Variants in ELAC2 observed in about 807,000 individuals in gnomAD.
ELAC2 encodes the protein elaC ribonuclease Z 2.
In ELAC2, 92 loss-of-function variants were observed where a neutral mutation model predicts 105.2. The observed-to-expected ratio is 0.87, with a 90% CI of 0.74 to 1.04. The LOEUF (loss-of-function observed/expected upper bound fraction) is 1.04, where lower values mean the gene tolerates loss of function less well. ELAC2 is among the 50% of genes least tolerant of loss of function. The pLI is 0.00. For synonymous variants in ELAC2, 468 were observed against 409.1 expected (o/e 1.14, Z -1.74); for missense variants, 1,099 against 1,071.7 (o/e 1.03, Z -0.36).
At chr17:13,003,789 G>A (rs1320520433) in intron 11 of ELAC2, 2 of 584,360 alleles carry the variant, frequency 3.4e-6, no homozygotes, top group Non-Finnish European at 6.2e-6. Flanking sequence ...TATCTGGCAA[G>A]CTCTGCTCTG....
rs897420740 is a variant in ELAC2 at position 13,017,950 on chromosome 17, G to T, written c.-3C>A. On this transcript the variant is annotated 5_prime_UTR_variant, in exon 1 of 24. Coordinates refer to ENST00000338034, the MANE Select transcript of ELAC2 (RefSeq NM_018127.7). ...AGCAGCGAGCAAAGCGCCCACATGCGCCCGTCTCCACCAAAACTGAGAAAG... is the reference window on the plus strand; with the variant it reads ...AGCAGCGAGCAAAGCGCCCACATGCTCCCGTCTCCACCAAAACTGAGAAAG... 1 of 1,536,426 alleles carries T rather than the reference G, an allele frequency of 6.5e-7. No individual in the cohort carries two copies. Among genetic ancestry groups the T allele is most frequent in the Non-Finnish European group, 8.7e-7 (1 of 1,146,694 alleles).
chr17:13,002,220 G>A (rs2040846877), intron 14 of ELAC2, 54 bp downstream of exon 14: 2 of 1,591,698 alleles, frequency 1.3e-6, no homozygotes, highest in Admixed American at 3.4e-5. Context: ...GCTATTTACA[G>A]AAATGTTTCC....
rs1698390181 is a variant in ELAC2 at position 13,005,799 on chromosome 17, A to G, written c.824T>C (p.Ile275Thr). The G allele has an allele frequency of 1.9e-6, 3 of 1,614,174 alleles. No homozygotes were observed. The highest frequency in any genetic ancestry group is 1.6e-4 in the Middle Eastern group (1 of 6,062). ...GCTTTTCCCGTCCTTGACAGCAGCA[A>G]TGATGGGAGCGATGGCAGCTGTCCC... ...PVGTAAIAPI[I>T]AAVKDGKSIT... is the part of the protein sequence containing the mutation. The change falls in exon 10 of 24, where the codon ATT (isoleucine) becomes ACT (threonine). Residue 275 changes from isoleucine to threonine, a missense_variant. Ile to Thr is a moderately conservative substitution (Grantham distance 89). Transcript: ENST00000338034.
At chr17:12,998,723 T>C (rs1372942076) in intron 15 of ELAC2, among the ~76,000 whole-genome samples, 1 of 152,094 alleles carries the variant, frequency 6.6e-6, no homozygotes, top group Non-Finnish European at 1.5e-5. Context: ...GGAGCTGCAG[T>C]AGTAAGTACT....
At chr17:12,995,612 T>G in intron 19 of ELAC2, 91 bp downstream of exon 19, 1 of 1,242,796 alleles carries the variant, frequency 8.0e-7, no homozygotes, top group Non-Finnish European at 1.1e-6. Flanking sequence ...TGCTGGGGGA[T>G]ATTGGTAACT....
rs1480750178 is a variant in ELAC2, at chr17:13,002,594, A to AC, written c.1080-16dup. On this transcript the variant is annotated splice_polypyrimidine_tract_variant and intron_variant, in intron 12 of 23. Coordinates refer to ENST00000338034, the MANE Select transcript of ELAC2 (RefSeq NM_018127.7). ...CAGGCCCAAACCTGTGAAGAAACAG[A>AC]CCCGGCATTTGCAGCGTCTGTTAGG... 1 of 1,590,616 alleles carries AC rather than the reference A, an allele frequency of 6.3e-7. No homozygotes were observed. The highest frequency in any genetic ancestry group is 1.3e-5 in the African/African-American group (1 of 74,452).
At chr17:12,999,488 T>C (rs908613333) in intron 15 of ELAC2, among the ~76,000 whole-genome samples, 1 of 152,212 alleles carries the variant, frequency 6.6e-6, no homozygotes, top group Admixed American at 6.5e-5. Context: ...GTGGCCAAGA[T>C]CCTCCATGGA....
rs1199697928 is a variant in ELAC2, at chr17:12,999,893, G to A, written c.1423+263C>T. On this transcript the variant is annotated intron_variant, in intron 15 of 23. Transcript: ENST00000338034. ...AGGATGGTCTCGATCTCCCGACCTCGCGATCCACCTGCCTCGGCCTCCCGA... is the reference window on the plus strand; with the variant it reads ...AGGATGGTCTCGATCTCCCGACCTCACGATCCACCTGCCTCGGCCTCCCGA... 2.6e-5 allele frequency among the ~76,000 whole-genome samples: 4 copies of A among 152,276 alleles called. No individual in the cohort carries two copies. In the East Asian group the frequency reaches 7.7e-4, roughly 29 times the overall value.
At chr17:13,006,383 AAAAAT>A in intron 8 of ELAC2, 1 of 234,564 alleles carries the variant, frequency 4.3e-6, no homozygotes, top group Non-Finnish European at 8.6e-6. Flanking sequence ...AAAAAAAATA[AAAAAT>A]AAAATGATGT....
At position 13,011,799 on chromosome 17, in the gene ELAC2, C is replaced by T. The variant is rs2041429526; in HGVS notation, c.560-17G>A. 7 of 1,613,956 alleles carry T rather than the reference C, an allele frequency of 4.3e-6. No homozygotes were observed. Among genetic ancestry groups the T allele is most frequent in the African/African-American group, 2.7e-5 (2 of 74,886 alleles). ...TCTGTTCACCTGGTCAGTACAGATACCACCAAATTACACACTGCACAAGGT... is the reference window on the plus strand; with the variant it reads ...TCTGTTCACCTGGTCAGTACAGATATCACCAAATTACACACTGCACAAGGT... On this transcript the variant is annotated splice_polypyrimidine_tract_variant and intron_variant, in intron 6 of 23. Coordinates refer to ENST00000338034, the MANE Select transcript of ELAC2 (RefSeq NM_018127.7).
chr17:13,014,599 A>C (rs2041620472), intron 4 of ELAC2, 103 bp from the exon 5 acceptor site: 1 of 852,392 alleles, frequency 1.2e-6, no homozygotes, highest in Non-Finnish European at 2.0e-6. Flanking sequence ...ACATAAAACA[A>C]AGCTTAGTAA....
intron 10 of ELAC2, among the ~76,000 whole-genome samples, chr17:13,005,517 A>G (rs530184789): frequency 1.3e-5 from 2 of 152,302 alleles, no homozygotes; most frequent in South Asian, 4.1e-4. Flanking sequence ...TGCACCCTTT[A>G]AGGAGGACGG....
chr17:13,017,188 G>C, intron 1 of ELAC2, 67 bp from the exon 2 acceptor site: 1 of 1,346,358 alleles, frequency 7.4e-7, no homozygotes, highest in Non-Finnish European at 1.1e-6. Flanking sequence ...ACACCAATTA[G>C]ATGTTTTATT....
intron 1 of ELAC2, 38 bp downstream of exon 1, chr17:13,017,665 G>C: frequency 6.2e-7 from 1 of 1,613,068 alleles, no homozygotes; most frequent in South Asian, 1.1e-5. Context: ...GCGCCGCACT[G>C]AGGGCCCAGC....
chr17:13,015,272 C>G (rs931203836), intron 4 of ELAC2, among the ~76,000 whole-genome samples: 2 of 152,138 alleles, frequency 1.3e-5, no homozygotes, highest in African/African-American at 4.8e-5. Flanking sequence ...GGATTTCAAA[C>G]GTTATTTTGG....
chr17:12,992,661 G>A lies in ELAC2; in HGVS notation c.*157C>T, dbSNP rs186146754. 46 of 821,810 alleles carry A rather than the reference G, an allele frequency of 5.6e-5. No individual in the cohort carries two copies. The Admixed American group carries it at 8.0e-4, about 14-fold the overall frequency. 50.9% of individuals were successfully genotyped at this position (821,810 alleles called of 1,614,324 possible). ...GAGGCATCTATAGACTAGTGCTTAT[G>A]TGGGAGCCCAAGCCTCGGCACAGCT... On this transcript the variant is annotated 3_prime_UTR_variant, in exon 24 of 24. Coordinates refer to ENST00000338034, the MANE Select transcript of ELAC2 (RefSeq NM_018127.7).
At chr17:12,995,630 T>C (rs559779972) in intron 19 of ELAC2, 73 bp downstream of exon 19, 2 of 1,424,554 alleles carry the variant, frequency 1.4e-6, no homozygotes, top group South Asian at 1.2e-5. Context: ...ACTACCCCAG[T>C]GTCCACCTTG....
Position 13,005,117 on chromosome 17 carries a change from A to G in ELAC2, c.871-16T>C. The G allele has an allele frequency of 6.3e-7, 1 of 1,593,566 alleles. No individual in the cohort carries two copies. Among genetic ancestry groups the G allele is most frequent in the Non-Finnish European group, 8.6e-7 (1 of 1,161,340 alleles). On this transcript the variant is annotated splice_polypyrimidine_tract_variant and intron_variant, in intron 10 of 23. Coordinates refer to ENST00000338034, the MANE Select transcript of ELAC2 (RefSeq NM_018127.7). Reference sequence around the variant, plus strand: ...CAGCCAAAATCTGCAAAACCAAATAAGCCCGCCCACTGGGGGTCACAGCTC... The same window carrying G: ...CAGCCAAAATCTGCAAAACCAAATAGGCCCGCCCACTGGGGGTCACAGCTC...
intron 23 of ELAC2, 60 bp downstream of exon 23, chr17:12,993,627 G>C: frequency 6.2e-7 from 1 of 1,610,942 alleles, no homozygotes; most frequent in Non-Finnish European, 8.5e-7. Context: ...CCTACTCAGT[G>C]TGTAGAGTCC....
Sources: gnomAD v4.1 joint callset for allele counts (sites outside exome capture counted in the v4.1 genomes callset) on GRCh38, gnomAD v4.1.1 for gene constraint, MANE v1.5 for transcripts, NCBI Gene and HGNC (gene_info 2026-07-23, HGNC 2026-07-21) for gene names.